The following TNFRSF13B variants were observed in gnomAD, a reference collection of about 807,000 sequenced individuals.
The protein encoded by TNFRSF13B is TNF receptor superfamily member 13B, also known as tumor necrosis factor receptor superfamily member 13B.
A neutral mutation model predicts 24.0 loss-of-function variants in TNFRSF13B; 34 were observed. The ratio of observed to expected loss-of-function variants is 1.41; its 90% CI spans 1.08 to 1.88. TNFRSF13B has a LOEUF of 1.88. Ranked by LOEUF, TNFRSF13B falls within the 40% of genes most tolerant of loss-of-function variation. TNFRSF13B has a pLI of 0.00. For missense variants in TNFRSF13B, 415 were observed against 380.8 expected, an observed-to-expected ratio of 1.09 and a Z score of -0.75; for synonymous variants, 173 against 150.3, an observed-to-expected ratio of 1.15 and a Z score of -1.10.
Position 16,948,773 on chromosome 17 carries a change from T to G in TNFRSF13B, c.410A>C (p.Gln137Pro), listed in dbSNP as rs763594708. ...TTCTGAGCCTCTGTGCTCCAATCCT[T>G]GGTACCTTCCCGAGTTGTCTGAATT... ...ENNSDNSGRY[Q>P]GLEHRGSEAS... The change falls in exon 3 of 5, where the codon CAA becomes CCA. Residue 137 changes from glutamine to proline, a missense_variant. Physicochemically the swap from Gln to Pro is moderately conservative, Grantham distance 76. Coordinates refer to ENST00000261652, the MANE Select transcript of TNFRSF13B (RefSeq NM_012452.3). 3.7e-6 allele frequency: 6 copies of G among 1,614,118 alleles called. No homozygotes were observed.
intron 1 of TNFRSF13B, among the ~76,000 whole-genome samples, chr17:16,956,157 C>A (rs1284044993): frequency 6.6e-6 from 1 of 152,208 alleles, no homozygotes; most frequent in Non-Finnish European, 1.5e-5. Flanking sequence ...AGTGACTACA[C>A]ACAACAAGGA....
chr17:16,940,393 C>T lies in TNFRSF13B; in HGVS notation c.564G>A (p.Lys188=). The T allele has an allele frequency of 6.2e-7, 1 of 1,611,538 alleles. No homozygotes were observed. The highest frequency in any genetic ancestry group is 8.5e-7 in the Non-Finnish European group (1 of 1,180,016). The part of the protein sequence containing the change: ...FLVAVACFLK[K]RGDPCSCQPR... ...GCTGGCAGGAGCAGGGATCCCCCCT[C>T]TTCTTGAGGAAGCAGGCCACCGCCA... Residue 188 remains lysine, a synonymous_variant, in exon 4 of 5, where the codon AAG becomes AAA. Coordinates refer to ENST00000261652, the MANE Select transcript of TNFRSF13B (RefSeq NM_012452.3).
At chr17:16,943,919 T>G (rs1341141576) in intron 3 of TNFRSF13B, among the ~76,000 whole-genome samples, 3 of 152,282 alleles carry the variant, frequency 2.0e-5, no homozygotes, top group South Asian at 2.1e-4. Context: ...AGGAAGCTCC[T>G]CGCGTCGGCC....
chr17:16,940,395 T>C lies in TNFRSF13B; in HGVS notation c.562A>G (p.Lys188Glu), dbSNP rs2087501058. The C allele has an allele frequency of 3.7e-6, 6 of 1,613,728 alleles. No individual in the cohort carries two copies. In the East Asian group the frequency reaches 1.3e-4, roughly 36 times the overall value. Residue 188 changes from lysine to glutamate, a missense_variant, in exon 4 of 5, where the codon AAG becomes GAG. Coordinates refer to ENST00000261652, the MANE Select transcript of TNFRSF13B (RefSeq NM_012452.3). ...TGGCAGGAGCAGGGATCCCCCCTCT[T>C]CTTGAGGAAGCAGGCCACCGCCACC... ...FLVAVACFLK[K>E]RGDPCSCQPR...
Position 16,948,970 on chromosome 17 carries a change from G to T in TNFRSF13B, c.213C>A (p.Cys71Ter). Residue 71 changes from cysteine (C) to a stop codon, truncating the protein, a stop_gained, in exon 3 of 5, where the codon TGC becomes TGA. Coordinates refer to ENST00000261652, the MANE Select transcript of TNFRSF13B (RefSeq NM_012452.3). LOFTEE classifies it high-confidence loss of function. ...CATAGAACTTGCCTTGCTCCTTGCGGCAGCTGAGTGACCCTGGGAGAGAGA... is the reference window on the plus strand; with the variant it reads ...CATAGAACTTGCCTTGCTCCTTGCGTCAGCTGAGTGACCCTGGGAGAGAGA... ...TCAAFCRSLS[C>*]RKEQGKFYDH... 6.2e-7 allele frequency: 1 copy of T among 1,614,126 alleles called. No individual in the cohort carries two copies. Among genetic ancestry groups the T allele is most frequent in the Non-Finnish European group, 8.5e-7 (1 of 1,180,020 alleles).
At chr17:16,949,180 G>A (rs1449885279) in intron 2 of TNFRSF13B, among the ~76,000 whole-genome samples, 197 bp from the exon 3 acceptor site, 1 of 152,122 alleles carries the variant, frequency 6.6e-6, no homozygotes, top group Non-Finnish European at 1.5e-5. Flanking sequence ...TAGCTGCATT[G>A]CATTTTGATG....
At chr17:16,949,676 A>C (rs1239945072) in intron 2 of TNFRSF13B, among the ~76,000 whole-genome samples, 1 of 151,078 alleles carries the variant, frequency 6.6e-6, no homozygotes, top group East Asian at 1.9e-4. Flanking sequence ...AAAGTCTCAG[A>C]ATATTTCTAA....
chr17:16,942,083 A>T (rs2087514605), intron 3 of TNFRSF13B, among the ~76,000 whole-genome samples: 1 of 152,178 alleles, frequency 6.6e-6, no homozygotes, highest in South Asian at 2.1e-4. Context: ...GTTTGTGTGG[A>T]TGGATGTTTT....
intron 3 of TNFRSF13B, among the ~76,000 whole-genome samples, chr17:16,946,785 C>T (rs930371782): frequency 1.3e-5 from 2 of 152,012 alleles, no homozygotes; most frequent in Non-Finnish European, 2.9e-5. Flanking sequence ...ATGGGGTTTC[C>T]CCTTGTTGAT....
In TNFRSF13B at chr17:16,972,068, C is replaced by T. The variant is rs201599964; in HGVS notation, c.8G>A (p.Gly3Asp). Residue 3 changes from glycine to aspartate, a missense_variant, in exon 1 of 5, where the codon GGC (glycine) becomes GAC (aspartate). Transcript: ENST00000261652. MS[G>D]LGRSRRGGRS... is the part of the protein sequence containing the mutation. ...GCCACCTCGCCTGCTCCGGCCCAGGCCACTCATTACTCAGGATGCTTATTA... is the reference window on the plus strand; with the variant it reads ...GCCACCTCGCCTGCTCCGGCCCAGGTCACTCATTACTCAGGATGCTTATTA... The T allele has an allele frequency of 1.3e-5, 21 of 1,614,048 alleles. No individual in the cohort carries two copies. In the East Asian group the frequency reaches 4.7e-4, roughly 36 times the overall value.
chr17:16,950,585 G>A (rs764730594), intron 2 of TNFRSF13B, among the ~76,000 whole-genome samples: 1 of 152,124 alleles, frequency 6.6e-6, no homozygotes, highest in African/African-American at 2.4e-5. Context: ...CCCCTGAACC[G>A]CACAGAAACT....
chr17:16,939,527 T>C lies in TNFRSF13B; in HGVS notation c.*20A>G. 1 of 1,599,092 alleles carries C rather than the reference T, an allele frequency of 6.3e-7. No homozygotes were observed. Among genetic ancestry groups the C allele is most frequent in the Non-Finnish European group, 8.5e-7 (1 of 1,170,186 alleles). ...TCCTCTCCATCTCTCTCCCTCCTCCTTTCCCTCCCTGACCCCCATTTATGC... is the reference window on the plus strand; with the variant it reads ...TCCTCTCCATCTCTCTCCCTCCTCCCTTCCCTCCCTGACCCCCATTTATGC... On this transcript the variant is annotated 3_prime_UTR_variant, in exon 5 of 5. Transcript: ENST00000261652.
intron 3 of TNFRSF13B, among the ~76,000 whole-genome samples, chr17:16,943,663 A>G (rs2087527206): frequency 1.3e-5 from 2 of 152,110 alleles, no homozygotes; most frequent in Non-Finnish European, 2.9e-5. Context: ...AGCCTGGCAC[A>G]TAGGGCCCTC....
intron 3 of TNFRSF13B, among the ~76,000 whole-genome samples, chr17:16,948,423 T>C (rs1485726903): frequency 1.3e-5 from 2 of 152,212 alleles, no homozygotes; most frequent in African/African-American, 4.8e-5. Context: ...TGGCTGCTGC[T>C]CAGGTGCTCA....
In TNFRSF13B at chr17:16,948,881, G is replaced by T. The variant is rs1310977376; in HGVS notation, c.302C>A (p.Ala101Glu). 6.2e-7 allele frequency: 1 copy of T among 1,614,092 alleles called. No individual in the cohort carries two copies. Among genetic ancestry groups the T allele is most frequent in the Non-Finnish European group, 8.5e-7 (1 of 1,180,052 alleles). The change falls in exon 3 of 5, where the codon GCA becomes GAA. Residue 101 changes from alanine (A) to glutamate (E), a missense_variant. Ala to Glu is a moderately radical substitution (Grantham distance 107, BLOSUM62 -1). Coordinates refer to ENST00000261652, the MANE Select transcript of TNFRSF13B (RefSeq NM_012452.3). ...CCTGAGCTTGTTCTCACAGAAGTAT[G>T]CACATTGCTTAGGGTGCTGTCCACA... ...SICGQHPKQC[A>E]YFCENKLRSP...
chr17:16,960,521 G>A (rs2087655144), intron 1 of TNFRSF13B, among the ~76,000 whole-genome samples: 1 of 152,206 alleles, frequency 6.6e-6, no homozygotes, highest in South Asian at 2.1e-4. Flanking sequence ...GAAAAGGACA[G>A]TCTCTTCCAT....
Position 16,939,542 on chromosome 17 carries a change from C to T in TNFRSF13B, c.*5G>A, listed in dbSNP as rs755440988. The stretch of plus-strand genomic sequence containing the variant: ...TCCCTCCTCCTTTCCCTCCCTGACC[C>T]CCATTTATGCACCTGGGCCCCCCTC... On this transcript the variant is annotated 3_prime_UTR_variant, in exon 5 of 5. Transcript: ENST00000261652. 8.7e-6 allele frequency: 14 copies of T among 1,612,886 alleles called. No homozygotes were observed. Among genetic ancestry groups the T allele is most frequent in the South Asian group, 2.2e-5 (2 of 90,818 alleles).
intron 1 of TNFRSF13B, among the ~76,000 whole-genome samples, chr17:16,960,986 C>G (rs1374110259): frequency 2.0e-5 from 3 of 152,136 alleles, no homozygotes; most frequent in Non-Finnish European, 4.4e-5. Flanking sequence ...AAGTGGTCAA[C>G]AAGCACAAGA....
intron 1 of TNFRSF13B, among the ~76,000 whole-genome samples, chr17:16,954,831 T>C (rs1461683554): frequency 6.6e-6 from 1 of 152,054 alleles, no homozygotes; most frequent in Non-Finnish European, 1.5e-5. Flanking sequence ...AAGAGTGGGG[T>C]CTCCTTGGAC....
Sources: gnomAD v4.1 joint callset for allele counts (sites outside exome capture counted in the v4.1 genomes callset) on GRCh38, gnomAD v4.1.1 for gene constraint, MANE v1.5 for transcripts, NCBI Gene and HGNC (gene_info 2026-07-23, HGNC 2026-07-21) for gene names.